Variants in PNPLA7 observed in about 807,000 individuals in gnomAD.
PNPLA7 encodes the protein patatin-like phospholipase domain-containing protein 7.
In PNPLA7, 153 loss-of-function variants were observed where a neutral mutation model predicts 161.7. That is an observed-to-expected ratio of 0.95 (90% CI 0.83 to 1.08). PNPLA7 has a LOEUF of 1.08. Among genes scored for constraint, PNPLA7 ranks in the 50% least tolerant of loss-of-function variants. The probability of loss-of-function intolerance (pLI) is 0.00; values close to 1 mark genes in which losing one functional copy is unlikely to be tolerated. For missense variants in PNPLA7, 1,739 were observed against 1,856.6 expected, an observed-to-expected ratio of 0.94 and a Z score of 1.16; for synonymous variants, 809 against 782.1, an observed-to-expected ratio of 1.03 and a Z score of -0.57.
chr9:137,462,976 CA>C, intron 29 of PNPLA7, 143 bp from the exon 30 acceptor site: 7 of 1,154,360 alleles, frequency 6.1e-6, no homozygotes, highest in Non-Finnish European at 8.5e-6. Context: ...AGAAGACCCA[CA>C]TGCCCAGCTC....
intron 14 of PNPLA7, among the ~76,000 whole-genome samples, chr9:137,503,484 A>C (rs1478553693): frequency 2.2e-5 from 2 of 89,832 alleles, no homozygotes; most frequent in Non-Finnish European, 4.2e-5. Context: ...AGGAGGGGGA[A>C]GGAGAAGGAG....
intron 20 of PNPLA7, among the ~76,000 whole-genome samples, chr9:137,487,503 G>A (rs964860567): frequency 6.6e-6 from 1 of 152,230 alleles, no homozygotes; most frequent in Non-Finnish European, 1.5e-5. Flanking sequence ...GTCTGTGCAG[G>A]AAAAGAACCG....
chr9:137,518,772 C>T (rs868502947), intron 11 of PNPLA7, among the ~76,000 whole-genome samples: 111 of 36,418 alleles, frequency 3.0e-3, no homozygotes, highest in South Asian at 6.2e-3. Context: ...TCCACTCTGT[C>T]CACTCCATCC....
At chr9:137,497,815 C>T (rs777802026) in intron 17 of PNPLA7, among the ~76,000 whole-genome samples, 1 of 152,280 alleles carries the variant, frequency 6.6e-6, no homozygotes, top group Non-Finnish European at 1.5e-5. Flanking sequence ...GCGTGAGCCA[C>T]CACGCCCAGC....
chr9:137,507,701 C>T (rs1360653751), intron 12 of PNPLA7, among the ~76,000 whole-genome samples: 1 of 151,590 alleles, frequency 6.6e-6, no homozygotes, highest in Non-Finnish European at 1.5e-5. Context: ...ATACGGGGGC[C>T]AGGCATGGTG....
intron 18 of PNPLA7, among the ~76,000 whole-genome samples, chr9:137,495,562 G>A (rs1454739289): frequency 6.6e-6 from 1 of 151,942 alleles, no homozygotes; most frequent in Non-Finnish European, 1.5e-5. Flanking sequence ...TCCTGCCTCA[G>A]CCTCCCGAGT....
At chr9:137,538,244 C>T (rs570641766) in intron 8 of PNPLA7, among the ~76,000 whole-genome samples, 6 of 152,310 alleles carry the variant, frequency 3.9e-5, no homozygotes, top group African/African-American at 1.2e-4. Flanking sequence ...ACAGGCCACG[C>T]GTCACGTGAA....
intron 20 of PNPLA7, chr9:137,491,532 A>C: frequency 3.0e-6 from 3 of 985,442 alleles, no homozygotes; most frequent in Non-Finnish European, 3.6e-6. Flanking sequence ...AGTGTCCCCC[A>C]AAATTCACAG....
At chr9:137,484,560 G>A in intron 21 of PNPLA7, 27 bp downstream of exon 21, 1 of 1,563,458 alleles carries the variant, frequency 6.4e-7, no homozygotes, top group Non-Finnish European at 8.7e-7. Flanking sequence ...CCCAAGGATG[G>A]CTGGAGGCTG....
chr9:137,469,431 C>A (rs1169029260), intron 25 of PNPLA7, among the ~76,000 whole-genome samples: 1 of 152,114 alleles, frequency 6.6e-6, no homozygotes, highest in Non-Finnish European at 1.5e-5. Flanking sequence ...AGACATCAGG[C>A]CTCAGAATCA....
At chr9:137,548,971 A>C (rs984665473) in intron 1 of PNPLA7, among the ~76,000 whole-genome samples, 21 of 152,300 alleles carry the variant, frequency 1.4e-4, no homozygotes, top group African/African-American at 4.6e-4. Context: ...CATGTCCCTC[A>C]CTTAAGGAAG....
At position 137,542,816 on chromosome 9, in the gene PNPLA7, G is replaced by A; in HGVS notation, c.507-15C>T. 1.2e-6 allele frequency: 2 copies of A among 1,602,050 alleles called. No individual in the cohort carries two copies. Among genetic ancestry groups the A allele is most frequent in the South Asian group, 2.2e-5 (2 of 90,612 alleles). On this transcript the variant is annotated splice_polypyrimidine_tract_variant and intron_variant, in intron 6 of 34. Transcript: ENST00000406427. ...GGCCCAGGACCCTGCAAGAGCCAGA[G>A]GGCACTGTGGGACGCCCTTCCAGGG... is the stretch of plus-strand genomic sequence containing the variant.
intron 16 of PNPLA7, 53 bp from the exon 17 acceptor site, chr9:137,498,298 G>C: frequency 6.3e-7 from 1 of 1,595,996 alleles, no homozygotes; most frequent in Non-Finnish European, 8.5e-7. Flanking sequence ...CCTACCCTTC[G>C]CCCAGGGCCG....
chr9:137,479,626 G>T, intron 23 of PNPLA7: 1 of 985,428 alleles, frequency 1.0e-6, no homozygotes, highest in Non-Finnish European at 1.2e-6. Flanking sequence ...CCCAGGATTA[G>T]CCCAGGCAGG....
At chr9:137,488,248 G>A (rs918175109) in intron 20 of PNPLA7, among the ~76,000 whole-genome samples, 1 of 152,008 alleles carries the variant, frequency 6.6e-6, no homozygotes, top group Admixed American at 6.6e-5. Context: ...GCTTCGGCCC[G>A]AACGTGGCTC....
rs200571886 is a variant in PNPLA7 at position 137,547,675 on chromosome 9, T to A, written c.31-16A>T. 1 of 1,612,142 alleles carries A rather than the reference T, an allele frequency of 6.2e-7. No individual in the cohort carries two copies. The highest frequency in any genetic ancestry group is 1.1e-5 in the South Asian group (1 of 91,056). On this transcript the variant is annotated splice_polypyrimidine_tract_variant and intron_variant, in intron 1 of 34. Transcript: ENST00000406427. This position sits in a 1 kb window ranked among gnomAD's most constrained non-coding sequence, Gnocchi z 4.6. ...AGAAGTCAGCCTGCAGCAGAGAGCA[T>A]GGGGTCAGGTGGGCATGGACAGGCT...
At chr9:137,517,989 C>A (rs1279503107) in intron 11 of PNPLA7, among the ~76,000 whole-genome samples, 1 of 116,488 alleles carries the variant, frequency 8.6e-6, no homozygotes, top group African/African-American at 3.7e-5. Flanking sequence ...CCCACTCACT[C>A]ACTCCACTCT....
Position 137,467,179 on chromosome 9 carries a change from TG to T in PNPLA7, c.3039+137del. 1.6e-6 allele frequency: 2 copies of T among 1,216,986 alleles called. No individual in the cohort carries two copies. Among genetic ancestry groups the T allele is most frequent in the Non-Finnish European group, 2.2e-6 (2 of 898,196 alleles). The allele number at this position is 1,216,986 out of a possible 1,614,324, so 75.4% of individuals were successfully genotyped here. On this transcript the variant is annotated intron_variant, in intron 26 of 34. Coordinates refer to ENST00000406427, the MANE Select transcript of PNPLA7 (RefSeq NM_001098537.3). This position sits in a 1 kb window ranked among gnomAD's most constrained non-coding sequence, Gnocchi z 5.1. ...TGCTCCTTTGCCTCACAAGCTGCAC[TG>T]GGAGGCTTCAGGGGGTAGCCTCCTC...
At chr9:137,511,024 G>A (rs1207660006) in intron 12 of PNPLA7, among the ~76,000 whole-genome samples, 1 of 152,268 alleles carries the variant, frequency 6.6e-6, no homozygotes, top group African/African-American at 2.4e-5. Flanking sequence ...GTTAGGAGCT[G>A]AAGGGACATT....
Sources: gnomAD v4.1 joint callset for allele counts (sites outside exome capture counted in the v4.1 genomes callset) on GRCh38, gnomAD v4.1.1 for gene constraint, Gnocchi (gnomAD v3.1) non-coding constraint, MANE v1.5 for transcripts, NCBI Gene and HGNC (gene_info 2026-07-23, HGNC 2026-07-21) for gene names.